Variants in KITLG observed in about 807,000 individuals in gnomAD.
KITLG encodes c-Kit ligand.
In KITLG, 13 loss-of-function variants were observed where a neutral mutation model predicts 34.1. That is an observed-to-expected ratio of 0.38 (90% CI 0.25 to 0.61). The LOEUF is 0.61. Ranked by LOEUF, KITLG falls within the 20% of genes least tolerant of loss-of-function variation. The probability of loss-of-function intolerance (pLI) is 0.60; values close to 1 mark genes in which losing one functional copy is unlikely to be tolerated. For missense variants in KITLG, 292 were observed against 318.9 expected, an observed-to-expected ratio of 0.92 and a Z score of 0.64; for synonymous variants, 110 against 104.0, an observed-to-expected ratio of 1.06 and a Z score of -0.35.
chr12:88,514,108 TCA>T (rs1295418050), intron 6 of KITLG, among the ~76,000 whole-genome samples: 1 of 151,574 alleles, frequency 6.6e-6, no homozygotes, highest in Non-Finnish European at 1.5e-5. Context: ...AAAGAAGAAA[TCA>T]CAGTTGACAA....
At chr12:88,543,320 T>C (rs1187000389) in intron 2 of KITLG, among the ~76,000 whole-genome samples, 1 of 152,156 alleles carries the variant, frequency 6.6e-6, no homozygotes, top group Admixed American at 6.6e-5. Context: ...GTCCTTGTGT[T>C]CTCATTGTTC....
At chr12:88,528,880 A>G (rs994486999) in intron 3 of KITLG, among the ~76,000 whole-genome samples, 11 of 152,240 alleles carry the variant, frequency 7.2e-5, no homozygotes, top group Non-Finnish European at 2.9e-5. Context: ...AACTAAAAGA[A>G]AACTGATGAA....
At chr12:88,548,325 A>G (rs1173077457) in intron 1 of KITLG, among the ~76,000 whole-genome samples, 1 of 151,978 alleles carries the variant, frequency 6.6e-6, no homozygotes, top group Non-Finnish European at 1.5e-5. Flanking sequence ...GTGGCAGTGC[A>G]TGCCTGTAAT....
At chr12:88,539,576 A>G (rs945586148) in intron 2 of KITLG, among the ~76,000 whole-genome samples, 7 of 152,256 alleles carry the variant, frequency 4.6e-5, no homozygotes, top group African/African-American at 1.4e-4. Flanking sequence ...TGTATTACCT[A>G]TAGTTTTCAA....
At chr12:88,534,056 C>G (rs991387461) in intron 2 of KITLG, among the ~76,000 whole-genome samples, 2 of 152,172 alleles carry the variant, frequency 1.3e-5, no homozygotes, top group African/African-American at 4.8e-5. Context: ...GTGCTAGGCA[C>G]TGTGCTCACT....
At chr12:88,572,595 TTATATATA>T (rs58146008) in intron 1 of KITLG, among the ~76,000 whole-genome samples, 5 of 134,930 alleles carry the variant, frequency 3.7e-5, no homozygotes, top group East Asian at 2.1e-4. Context: ...ATATACATTA[TTATATATA>T]TATATATATA....
chr12:88,551,264 T>C (rs1870904424), intron 1 of KITLG, among the ~76,000 whole-genome samples: 2 of 152,148 alleles, frequency 1.3e-5, no homozygotes, highest in Admixed American at 6.5e-5. Context: ...GTTAGAAATA[T>C]TGAGATTTTT....
At chr12:88,511,791 C>T (rs1365974813) in intron 6 of KITLG, among the ~76,000 whole-genome samples, 1 of 152,250 alleles carries the variant, frequency 6.6e-6, no homozygotes, top group East Asian at 1.9e-4. Context: ...ATTTTCTGAG[C>T]ACTTTACAGA....
intron 1 of KITLG, among the ~76,000 whole-genome samples, chr12:88,558,951 T>A (rs543677872): frequency 2.6e-5 from 4 of 152,128 alleles, no homozygotes; most frequent in Non-Finnish European, 5.9e-5. Context: ...GGATAAAAGA[T>A]GACAAATTGG....
chr12:88,493,813 A>G lies in KITLG; in HGVS notation c.*3406T>C, dbSNP rs1868500844. On this transcript the variant is annotated 3_prime_UTR_variant, in exon 10 of 10. Coordinates refer to ENST00000644744, the MANE Select transcript of KITLG (RefSeq NM_000899.5). ...TGACTAAAACGTACTACTGGTTTTC[A>G]TTCTTTGGAGGTGATCCAAAATGTT... The G allele has an allele frequency of 6.6e-6, 1 of 151,946 alleles. No homozygotes were observed. Among genetic ancestry groups the G allele is most frequent in the Non-Finnish European group, 1.5e-5 (1 of 67,872 alleles). The allele number at this position is 151,946 out of a possible 1,614,324, so 9.4% of individuals were successfully genotyped here.
At position 88,496,182 on chromosome 12, in the gene KITLG, C is replaced by T. The variant is rs182952027; in HGVS notation, c.*1037G>A. ...CCTGATTCCTTGCATTATAAGTAAC[C>T]TAGTTTTCAACACCCATATTAGCAT... On this transcript the variant is annotated 3_prime_UTR_variant, in exon 10 of 10. Transcript: ENST00000644744. 1.1e-4 allele frequency: 17 copies of T among 152,120 alleles called. No individual in the cohort carries two copies. Among genetic ancestry groups the T allele is most frequent in the Admixed American group, 1.0e-3 (16 of 15,262 alleles). The allele number at this position is 152,120 out of a possible 1,614,324, so 9.4% of individuals were successfully genotyped here.
chr12:88,576,514 T>C (rs1871829497), intron 1 of KITLG, among the ~76,000 whole-genome samples: 1 of 152,190 alleles, frequency 6.6e-6, no homozygotes, highest in African/African-American at 2.4e-5. Flanking sequence ...AAGACACATA[T>C]AAAATTTCAT....
At chr12:88,568,731 T>C (rs1163888258) in intron 1 of KITLG, among the ~76,000 whole-genome samples, 1 of 152,156 alleles carries the variant, frequency 6.6e-6, no homozygotes, top group Non-Finnish European at 1.5e-5. Context: ...AAAAACATTG[T>C]TTTCTAATAG....
At chr12:88,571,710 T>C (rs1185332978) in intron 1 of KITLG, among the ~76,000 whole-genome samples, 1 of 152,208 alleles carries the variant, frequency 6.6e-6, no homozygotes, top group Non-Finnish European at 1.5e-5. Context: ...TTGAGGCAAC[T>C]GCAATCATGA....
At position 88,580,415 on chromosome 12, in the gene KITLG, C is replaced by G; in HGVS notation, c.-137G>C. The G allele has an allele frequency of 2.0e-6, 2 of 1,014,600 alleles. No individual in the cohort carries two copies. Among genetic ancestry groups the G allele is most frequent in the Admixed American group, 2.0e-5 (1 of 49,914 alleles). 62.8% of individuals were successfully genotyped at this position (1,014,600 alleles called of 1,614,324 possible). On this transcript the variant is annotated 5_prime_UTR_variant, in exon 1 of 10. Coordinates refer to ENST00000644744, the MANE Select transcript of KITLG (RefSeq NM_000899.5). ...GGGTAGCCCGAGCGCAGCGCCCTCT[C>G]CACTGTCCCTGCTTCCCGCAGCGCT...
At chr12:88,552,877 C>T (rs1870967049) in intron 1 of KITLG, among the ~76,000 whole-genome samples, 1 of 152,136 alleles carries the variant, frequency 6.6e-6, no homozygotes, top group African/African-American at 2.4e-5. Flanking sequence ...ATCCATTTAT[C>T]AGCCTATAAA....
In KITLG at chr12:88,537,020, C is replaced by T. The variant is rs192772244; in HGVS notation, c.130-4517G>A. Among the ~76,000 whole-genome samples the T allele has an allele frequency of 1.4e-3, 209 of 152,060 alleles. 1 individual carries two copies. Among genetic ancestry groups the T allele is most frequent in the African/African-American group, 4.9e-3 (202 of 41,494 alleles). On this transcript the variant is annotated intron_variant, in intron 2 of 9. Coordinates refer to ENST00000644744, the MANE Select transcript of KITLG (RefSeq NM_000899.5). ...CAAAAAACAACAGATGCTGGTGTGG[C>T]TGCAGAGAAAAGGGAATGCATATAC...
intron 6 of KITLG, among the ~76,000 whole-genome samples, chr12:88,511,876 G>A (rs545753602): frequency 9.9e-5 from 15 of 152,230 alleles, no homozygotes; most frequent in African/African-American, 3.6e-4. Flanking sequence ...ACAAGGCTGG[G>A]AGAAAAGATA....
chr12:88,555,763 T>A (rs927486765), intron 1 of KITLG, among the ~76,000 whole-genome samples: 4 of 152,106 alleles, frequency 2.6e-5, no homozygotes, highest in African/African-American at 9.7e-5. Flanking sequence ...AAAAACAAAA[T>A]TGGGTGCTTT....
Sources: allele counts gnomAD v4.1 joint callset (sites outside exome capture counted in the v4.1 genomes callset), GRCh38; gene constraint gnomAD v4.1.1; transcripts MANE v1.5; gene names NCBI Gene and HGNC (gene_info 2026-07-23, HGNC 2026-07-21).